Variants in RBFOX3 observed in about 807,000 individuals in gnomAD.
RBFOX3 encodes the protein RNA binding protein fox-1 homolog 3.
A neutral mutation model predicts 48.7 loss-of-function variants in RBFOX3; 17 were observed. The ratio of observed to expected loss-of-function variants is 0.35; its 90% confidence interval spans 0.24 to 0.52. RBFOX3 has a LOEUF of 0.52. Ranked by LOEUF, RBFOX3 falls within the 20% of genes least tolerant of loss-of-function variation. The pLI is 0.94. For missense variants in RBFOX3, 382 were observed against 497.5 expected (o/e 0.77, Z 2.21); for synonymous variants, 212 against 209.5 (o/e 1.01, Z -0.10).
chr17:79,449,424 T>C (rs1189510860), intron 2 of RBFOX3, among the ~76,000 whole-genome samples: 1 of 151,992 alleles, frequency 6.6e-6, no homozygotes, highest in African/African-American at 2.4e-5. Flanking sequence ...CAGGTGAGTC[T>C]GCAAAATTTC....
intron 1 of RBFOX3, among the ~76,000 whole-genome samples, chr17:79,596,569 C>T (rs983613625): frequency 2.0e-5 from 3 of 152,204 alleles, no homozygotes; most frequent in Non-Finnish European, 2.9e-5. Context: ...CCACAAAGGC[C>T]CCTGCCCCCC....
chr17:79,517,466 CAAAA>C (rs1360144052), intron 1 of RBFOX3, among the ~76,000 whole-genome samples: 58 of 135,296 alleles, frequency 4.3e-4, no homozygotes, highest in Non-Finnish European at 7.7e-4. Flanking sequence ...AAAAAACAAA[CAAAA>C]ACAAAAGAAA....
At chr17:79,287,287 G>A (rs2072160496) in intron 3 of RBFOX3, among the ~76,000 whole-genome samples, 1 of 152,240 alleles carries the variant, frequency 6.6e-6, no homozygotes, top group African/African-American at 2.4e-5. Flanking sequence ...CACTTGGAAA[G>A]CACCAATCTT....
At chr17:79,223,693 G>T (rs573674301) in intron 4 of RBFOX3, among the ~76,000 whole-genome samples, 1 of 152,192 alleles carries the variant, frequency 6.6e-6, no homozygotes, top group East Asian at 1.9e-4. Flanking sequence ...GAAGGGAGAA[G>T]AAAGAGGGGC....
At chr17:79,177,926 T>C (rs1599828011) in intron 4 of RBFOX3, among the ~76,000 whole-genome samples, 1 of 152,094 alleles carries the variant, frequency 6.6e-6, no homozygotes, top group Non-Finnish European at 1.5e-5. Flanking sequence ...TTTGTCCACG[T>C]TGGGAGGAGC....
In RBFOX3 at chr17:79,384,894, G is replaced by A. The variant is rs944900859; in HGVS notation, c.-174-77070C>T. On this transcript the variant is annotated intron_variant, in intron 2 of 14. Coordinates refer to ENST00000693108, the MANE Select transcript of RBFOX3 (RefSeq NM_001350451.2). ...CGGGGGATGTTTCAGTGGGGAGGGA[G>A]ACCTTCCAAACTTCGGCAGCTACAC... Among the ~76,000 whole-genome samples, 3 of 152,252 alleles carry A rather than the reference G, an allele frequency of 2.0e-5. No homozygotes were observed. In the South Asian group the frequency reaches 6.2e-4, roughly 31 times the overall value.
At chr17:79,187,314 C>A (rs1232752702) in intron 4 of RBFOX3, among the ~76,000 whole-genome samples, 1 of 152,202 alleles carries the variant, frequency 6.6e-6, no homozygotes, top group Non-Finnish European at 1.5e-5. Flanking sequence ...CTTTCCCCTT[C>A]CAGGCGCCCA....
In RBFOX3 at chr17:79,252,535, G is replaced by T. The variant is rs1474865548; in HGVS notation, c.-73-16730C>A. Among the ~76,000 whole-genome samples the T allele has an allele frequency of 1.3e-5, 2 of 152,308 alleles. No homozygotes were observed. The highest frequency in any genetic ancestry group is 1.3e-4 in the Admixed American group (2 of 15,304). ...GGGGGCCTCTAGAGGCTGGAACAGG[G>T]AGGCAGTGGACTCTCCCTCGGAAAT... On this transcript the variant is annotated intron_variant, in intron 3 of 14. Transcript: ENST00000693108. The surrounding 1 kb of genome is among the most constrained non-coding windows in gnomAD (Gnocchi z 4.0).
chr17:79,288,810 TA>T (rs774639293), intron 3 of RBFOX3, among the ~76,000 whole-genome samples: 13 of 151,856 alleles, frequency 8.6e-5, no homozygotes, highest in Non-Finnish European at 1.3e-4. Flanking sequence ...CTGACCCCAA[TA>T]ACCTCTCTGA....
At chr17:79,193,049 C>T (rs2054836812) in intron 4 of RBFOX3, among the ~76,000 whole-genome samples, 2 of 152,338 alleles carry the variant, frequency 1.3e-5, no homozygotes, top group Non-Finnish European at 2.9e-5. Context: ...TCATCCGCTT[C>T]CAACTTGCCT....
rs1013409104 is a variant in RBFOX3 at position 79,363,161 on chromosome 17, C to T, written c.-174-55337G>A. 6.6e-6 allele frequency among the ~76,000 whole-genome samples: 1 copy of T among 152,176 alleles called. No individual in the cohort carries two copies. Among genetic ancestry groups the T allele is most frequent in the Non-Finnish European group, 1.5e-5 (1 of 68,022 alleles). ...GGAGATGGAGGGGAGGCACATGACT[C>T]CTGTGTCTGAGGTGGCTCCTGCACT... On this transcript the variant is annotated intron_variant, in intron 2 of 14. Coordinates refer to ENST00000693108, the MANE Select transcript of RBFOX3 (RefSeq NM_001350451.2). The surrounding 1 kb of genome is among the most constrained non-coding windows in gnomAD (Gnocchi z 4.7).
At chr17:79,591,898 G>A (rs2093428371) in intron 1 of RBFOX3, among the ~76,000 whole-genome samples, 1 of 151,496 alleles carries the variant, frequency 6.6e-6, no homozygotes, top group Non-Finnish European at 1.5e-5. Flanking sequence ...GAGGGTGTGT[G>A]GAGGGGTGTG....
chr17:79,125,539 G>A (rs1461574539), intron 4 of RBFOX3, among the ~76,000 whole-genome samples: 1 of 152,222 alleles, frequency 6.6e-6, no homozygotes, highest in Non-Finnish European at 1.5e-5. Flanking sequence ...GTGGGACAAC[G>A]GGCCGGCAGG....
At chr17:79,182,718 TC>T (rs2052356743) in intron 4 of RBFOX3, among the ~76,000 whole-genome samples, 1 of 124,912 alleles carries the variant, frequency 8.0e-6, no homozygotes, top group Non-Finnish European at 1.7e-5. Context: ...CCCAGCCCCC[TC>T]CCCGGCCAGA....
intron 1 of RBFOX3, among the ~76,000 whole-genome samples, chr17:79,592,111 A>G (rs1381502191): frequency 2.9e-5 from 4 of 135,998 alleles, no homozygotes; most frequent in African/African-American, 8.5e-5. Context: ...GTGTGTGTGT[A>G]GTGTGTGTGG....
chr17:79,356,935 G>A (rs2085261412), intron 2 of RBFOX3, among the ~76,000 whole-genome samples: 2 of 152,168 alleles, frequency 1.3e-5, no homozygotes, highest in South Asian at 4.1e-4. Flanking sequence ...GCCTCCCAGT[G>A]GCACTGAGAT....
chr17:79,564,075 T>C (rs1374117123), intron 1 of RBFOX3, among the ~76,000 whole-genome samples: 1 of 152,178 alleles, frequency 6.6e-6, no homozygotes, highest in African/African-American at 2.4e-5. Flanking sequence ...TGCAGCTTCT[T>C]TGGGGTCAGT....
intron 2 of RBFOX3, among the ~76,000 whole-genome samples, chr17:79,403,591 G>T (rs758166839): frequency 6.6e-6 from 1 of 152,168 alleles, no homozygotes; most frequent in Non-Finnish European, 1.5e-5. Flanking sequence ...CTGTGCTGTG[G>T]TGGGAACGTC....
intron 3 of RBFOX3, among the ~76,000 whole-genome samples, chr17:79,280,639 T>A (rs1199930746): frequency 6.6e-6 from 1 of 151,878 alleles, no homozygotes; most frequent in East Asian, 1.9e-4. Context: ...TTTTAGAGAG[T>A]GAATTTAGAC....
Sources: allele counts gnomAD v4.1 joint callset (sites outside exome capture counted in the v4.1 genomes callset), GRCh38; gene constraint gnomAD v4.1.1; non-coding constraint Gnocchi (gnomAD v3.1); transcripts MANE v1.5; gene names NCBI Gene and HGNC (gene_info 2026-07-23, HGNC 2026-07-21).